The following ZNF724 variants were observed in gnomAD, a reference collection of about 807,000 sequenced individuals.
The protein encoded by ZNF724 is zinc finger protein 724, also known as zinc finger protein 724 pseudogene.
A neutral mutation model predicts 29.3 loss-of-function variants in ZNF724; 14 were observed. The observed-to-expected ratio is 0.48, with a 90% CI of 0.32 to 0.75. The LOEUF is 0.75. Ranked by LOEUF, ZNF724 falls within the 30% of genes least tolerant of loss-of-function variation. ZNF724 has a pLI of 0.04. For synonymous variants in ZNF724, 180 were observed against 193.6 expected (o/e 0.93, Z 0.58); for missense variants, 557 against 571.2 (o/e 0.98, Z 0.25).
intron 3 of ZNF724, among the ~76,000 whole-genome samples, chr19:23,225,369 CAGAAG>C (rs1971808838): frequency 6.6e-6 from 1 of 152,106 alleles, no homozygotes; most frequent in Non-Finnish European, 1.5e-5. Flanking sequence ...CTTTGGGAGG[CAGAAG>C]CGGGTGGATC....
At chr19:23,249,404 C>CT (rs34604063) in intron 1 of ZNF724, among the ~76,000 whole-genome samples, 68,751 of 146,006 alleles carry the variant, frequency 0.47, 17,512 homozygotes, top group East Asian at 0.68. Flanking sequence ...CTATGCCCGG[C>CT]TTTTTTTTTT....
chr19:23,245,438 C>G (rs993736692), intron 1 of ZNF724, among the ~76,000 whole-genome samples: 1 of 152,064 alleles, frequency 6.6e-6, no homozygotes, highest in East Asian at 1.9e-4. Flanking sequence ...ATGGGGAAAC[C>G]CCATCTCTAT....
intron 3 of ZNF724, among the ~76,000 whole-genome samples, chr19:23,228,387 G>C (rs963060795): frequency 6.6e-6 from 1 of 151,926 alleles, no homozygotes; most frequent in African/African-American, 2.4e-5. Flanking sequence ...CCGGGAGGCA[G>C]AGGTTGCAGT....
intron 3 of ZNF724, 39 bp from the exon 4 acceptor site, chr19:23,224,057 G>C (rs1452387110): frequency 4.9e-6 from 3 of 612,456 alleles, no homozygotes; most frequent in Non-Finnish European, 8.7e-6. Flanking sequence ...CCACATACTA[G>C]ACTCAGATAC....
At chr19:23,226,003 C>T (rs1971819624) in intron 3 of ZNF724, among the ~76,000 whole-genome samples, 3 of 151,878 alleles carry the variant, frequency 2.0e-5, no homozygotes, top group Admixed American at 2.0e-4. Context: ...AGGCGCACCC[C>T]ACCCCATGCC....
chr19:23,231,043 C>A (rs953624370), intron 3 of ZNF724: 143 of 268,420 alleles, frequency 5.3e-4, no homozygotes, highest in East Asian at 5.1e-4. Context: ...GCCACCACAC[C>A]CAGCTAATTT....
intron 1 of ZNF724, among the ~76,000 whole-genome samples, chr19:23,244,702 A>G (rs1434720194): frequency 1.3e-5 from 2 of 152,188 alleles, no homozygotes; most frequent in African/African-American, 4.8e-5. Flanking sequence ...CACCACCCAG[A>G]GTCAGCACAG....
chr19:23,243,176 C>T (rs11672354), intron 1 of ZNF724, among the ~76,000 whole-genome samples: 2 of 151,734 alleles, frequency 1.3e-5, no homozygotes, highest in Non-Finnish European at 2.9e-5. Context: ...GCCCATTATT[C>T]TTAGACAACT....
intron 3 of ZNF724, among the ~76,000 whole-genome samples, chr19:23,229,067 GAA>G (rs74175742): frequency 2.1e-5 from 3 of 145,302 alleles, no homozygotes; most frequent in African/African-American, 5.0e-5. Flanking sequence ...CGTCTCAAAA[GAA>G]AAAAAAAAAG....
rs1439281891 is a variant in ZNF724 at position 23,222,429 on chromosome 19, T to A, written c.1816A>T (p.Thr606Ser). 1 of 1,242,708 alleles carries A rather than the reference T, an allele frequency of 8.0e-7. No homozygotes were observed. Among genetic ancestry groups the A allele is most frequent in the Admixed American group, 1.7e-5 (1 of 59,128 alleles). 77.0% of individuals were successfully genotyped at this position (1,242,708 alleles called of 1,614,324 possible). A position where few individuals can be genotyped will look rare whatever the true frequency, so the allele number is the denominator to read the frequency against. Reference protein sequence around the residue: ...GKAFNQCSNLTTHKKIHAVEK... With the variant: ...GKAFNQCSNLSTHKKIHAVEK... ...ACAGCATGAATTTTCTTGTGTGTAG[T>A]AAGGTTTGAGCATTGGTTAAAAGCT... The change falls in exon 4 of 4, where the codon ACT becomes TCT. Residue 606 changes from threonine (T) to serine (S), a missense_variant. Thr to Ser is a moderately conservative substitution (Grantham distance 58, BLOSUM62 1). Around this residue, in one of 3 missense-constraint regions of ZNF724, gnomAD observed 170 missense variants for 220.7 expected, o/e 0.77. Transcript: ENST00000418100.
intron 1 of ZNF724, among the ~76,000 whole-genome samples, chr19:23,233,777 G>T (rs549843714): frequency 2.0e-4 from 30 of 149,460 alleles, no homozygotes; most frequent in African/African-American, 6.5e-4. Context: ...TACAGCTCTT[G>T]ATCCGAGACA....
intron 1 of ZNF724, among the ~76,000 whole-genome samples, 182 bp from the exon 2 acceptor site, chr19:23,232,475 G>C (rs1971953276): frequency 6.6e-6 from 1 of 152,112 alleles, no homozygotes; most frequent in Non-Finnish European, 1.5e-5. Flanking sequence ...TCTGAGAAAA[G>C]ACTAGAATAA....
At position 23,243,475 on chromosome 19, in the gene ZNF724, C is replaced by CAAAAAAAAAAAA. The variant is rs61241201; in HGVS notation, c.3+6753_3+6764dup. Among the ~76,000 whole-genome samples, 186 of 31,092 alleles carry CAAAAAAAAAAAA rather than the reference C, an allele frequency of 6.0e-3. 2 individuals carry two copies. The highest frequency in any genetic ancestry group is 8.4e-3 in the Non-Finnish European group (151 of 18,050). 20.4% of individuals were successfully genotyped at this position (31,092 alleles called of 152,430 possible). On this transcript the variant is annotated intron_variant, in intron 1 of 3. Transcript: ENST00000418100. ...TGAGTGACAGAGCGAGAGTCCATCT[C>CAAAAAAAAAAAA]AAAAAAAAAAAAAAAAAAAAAAAAA... is the stretch of plus-strand genomic sequence containing the variant.
At chr19:23,228,968 T>G (rs1599638491) in intron 3 of ZNF724, among the ~76,000 whole-genome samples, 1 of 147,884 alleles carries the variant, frequency 6.8e-6, no homozygotes, top group African/African-American at 2.5e-5. Flanking sequence ...GGGGCTGAGG[T>G]AGGAGGATCA....
At chr19:23,226,352 G>A (rs990092626) in intron 3 of ZNF724, among the ~76,000 whole-genome samples, 2 of 152,070 alleles carry the variant, frequency 1.3e-5, no homozygotes, top group East Asian at 1.9e-4. Flanking sequence ...CGCCCAGCCC[G>A]AGAGAGGGTC....
intron 3 of ZNF724, among the ~76,000 whole-genome samples, chr19:23,227,918 T>C (rs377430881): frequency 6.6e-6 from 1 of 151,852 alleles, no homozygotes; most frequent in South Asian, 2.1e-4. Flanking sequence ...GAAAAATGAA[T>C]AGAGTGACAT....
At chr19:23,235,857 G>C (rs1444602751) in intron 1 of ZNF724, among the ~76,000 whole-genome samples, 2 of 152,130 alleles carry the variant, frequency 1.3e-5, no homozygotes, top group Non-Finnish European at 2.9e-5. Context: ...TGATAGAACA[G>C]AAAGTAAACT....
intron 1 of ZNF724, among the ~76,000 whole-genome samples, chr19:23,234,665 T>G (rs1011053347): frequency 2.0e-5 from 3 of 152,172 alleles, no homozygotes; most frequent in Non-Finnish European, 4.4e-5. Flanking sequence ...TTGGACAGGC[T>G]GCTCTGGAAC....
At chr19:23,241,799 A>C (rs1485849079) in intron 1 of ZNF724, among the ~76,000 whole-genome samples, 1 of 152,212 alleles carries the variant, frequency 6.6e-6, no homozygotes, top group Non-Finnish European at 1.5e-5. Flanking sequence ...CACAAGCTGG[A>C]AGCATTCCTT....
Sources: allele counts gnomAD v4.1 joint callset (sites outside exome capture counted in the v4.1 genomes callset), GRCh38; gene constraint gnomAD v4.1.1; regional missense constraint gnomAD v4.1.1; transcripts MANE v1.5; gene names NCBI Gene and HGNC (gene_info 2026-07-23, HGNC 2026-07-21).